NCAPH2: variants seen among roughly 807,000 people sequenced by gnomAD.
NCAPH2 encodes non-SMC condensin II complex subunit H2, also known as condensin-2 complex subunit H2.
Under a neutral mutation model 88.6 loss-of-function variants are expected in NCAPH2, and 56 were observed. The ratio of observed to expected loss-of-function variants is 0.63; its 90% CI spans 0.51 to 0.79. The LOEUF (loss-of-function observed/expected upper bound fraction) is 0.79. Among genes scored for constraint, NCAPH2 ranks in the 30% least tolerant of loss-of-function variants. The pLI is 0.00. For synonymous variants in NCAPH2, 378 were observed against 313.6 expected (o/e 1.21, Z -2.17); for missense variants, 794 against 792.0 (o/e 1.00, Z -0.03).
At position 50,522,517 on chromosome 22, in the gene NCAPH2, TGAG is replaced by T; in HGVS notation, c.1327_1329del (p.Glu443del). The T allele has an allele frequency of 6.2e-7, 1 of 1,613,498 alleles. No individual in the cohort carries two copies. The highest frequency in any genetic ancestry group is 8.5e-7 in the Non-Finnish European group (1 of 1,179,894). On this transcript the variant is annotated inframe_deletion, in exon 16 of 20. Transcript: ENST00000420993. ...TCCCAGCAGATGACTTTCTAGAGCC[TGAG>T]GAGTACATGGAGCCCGAGGGAGCAG...
rs2069151804 is a variant in NCAPH2, at chr22:50,522,810, TC to T, written c.1426-9del. The T allele has an allele frequency of 6.2e-7, 1 of 1,612,376 alleles. No individual in the cohort carries two copies. The highest frequency in any genetic ancestry group is 8.5e-7 in the Non-Finnish European group (1 of 1,179,470). On this transcript the variant is annotated splice_polypyrimidine_tract_variant and intron_variant, in intron 17 of 19. Coordinates refer to ENST00000420993, the MANE Select transcript of NCAPH2 (RefSeq NM_152299.4). ...CTTGGGAGGCAGTAGCTCCTGCTGA[TC>T]CTCCCCTAGGAGCTCTTCATCGCCA...
Position 50,510,075 on chromosome 22 carries a change from C to T in NCAPH2, c.108+1630C>T, listed in dbSNP as rs145920696. ...TAGCTGGGACTACAGGCGCCCGCCT[C>T]CACGCCCAACTAATTTTTTTGTATT... On this transcript the variant is annotated intron_variant, in intron 1 of 19. Transcript: ENST00000420993. 4.9e-3 allele frequency among the ~76,000 whole-genome samples: 742 copies of T among 152,294 alleles called. 6 individuals are homozygous for T. The highest frequency in any genetic ancestry group is 0.017 in the African/African-American group (711 of 41,560).
rs1603441099 is a variant in NCAPH2, at chr22:50,517,876, C to T, written c.420+67C>T. On this transcript the variant is annotated intron_variant, in intron 5 of 19. Coordinates refer to ENST00000420993, the MANE Select transcript of NCAPH2 (RefSeq NM_152299.4). ...GCACTTTCCCTGGGGCTGTGTTGAGCTGATGGGGTGTGGGAAGGTGTCATT... is the reference window on the plus strand; with the variant it reads ...GCACTTTCCCTGGGGCTGTGTTGAGTTGATGGGGTGTGGGAAGGTGTCATT... 1.2e-5 allele frequency: 19 copies of T among 1,604,718 alleles called. No homozygotes were observed. In the East Asian group the frequency reaches 4.0e-4, roughly 34 times the overall value.
rs1281807010 is a variant in NCAPH2, at chr22:50,524,619, C to T, written c.*1244C>T. On this transcript the variant is annotated 3_prime_UTR_variant, in exon 20 of 20. Transcript: ENST00000420993. The stretch of plus-strand genomic sequence containing the variant: ...TCCACACCTGGGCAACCACACCTGT[C>T]ACTCCTGTCCTCTACCTGGGATCAC... The T allele has an allele frequency of 2.8e-6, 2 of 711,498 alleles. No homozygotes were observed. Among genetic ancestry groups the T allele is most frequent in the Non-Finnish European group, 5.2e-6 (2 of 382,184 alleles). 44.1% of individuals were successfully genotyped at this position (711,498 alleles called of 1,614,324 possible).
intron 1 of NCAPH2, among the ~76,000 whole-genome samples, chr22:50,511,877 G>T (rs1218341519): frequency 3.3e-5 from 5 of 152,046 alleles, no homozygotes; most frequent in Non-Finnish European, 7.4e-5. Flanking sequence ...TTGGTCTCCT[G>T]ACCTCGTGAT....
Position 50,522,535 on chromosome 22 carries a change from C to T in NCAPH2, c.1341C>T (p.Pro447=), listed in dbSNP as rs376176140. 48 of 1,613,526 alleles carry T rather than the reference C, an allele frequency of 3.0e-5. No homozygotes were observed. The highest frequency in any genetic ancestry group is 4.4e-5 in the South Asian group (4 of 91,068). The part of the protein sequence containing the change: ...DFLEPEEYME[P]EGADPREAAD... ...TAGAGCCTGAGGAGTACATGGAGCC[C>T]GAGGGAGCAGACCCCAGGGAAGCCG... is the stretch of plus-strand genomic sequence containing the variant. The change falls in exon 16 of 20, where the codon CCC becomes CCT. Residue 447 remains proline (P), a synonymous_variant. Coordinates refer to ENST00000420993, the MANE Select transcript of NCAPH2 (RefSeq NM_152299.4).
At chr22:50,515,625 T>G in intron 1 of NCAPH2, 1 of 934,618 alleles carries the variant, frequency 1.1e-6, no homozygotes, top group Non-Finnish European at 1.4e-6. Flanking sequence ...CTCGATCTCC[T>G]GACCTCATGA....
chr22:50,513,187 A>G (rs1198463184), intron 1 of NCAPH2, among the ~76,000 whole-genome samples: 1 of 152,284 alleles, frequency 6.6e-6, no homozygotes, highest in Non-Finnish European at 1.5e-5. Flanking sequence ...CTGGCAGATC[A>G]GAATCCAGCC....
chr22:50,521,625 G>T lies in NCAPH2; in HGVS notation c.1000+16G>T, dbSNP rs760301414. The T allele has an allele frequency of 1.2e-6, 2 of 1,612,904 alleles. No individual in the cohort carries two copies. Among genetic ancestry groups the T allele is most frequent in the South Asian group, 2.2e-5 (2 of 91,064 alleles). On this transcript the variant is annotated intron_variant, in intron 11 of 19. Coordinates refer to ENST00000420993, the MANE Select transcript of NCAPH2 (RefSeq NM_152299.4). ...TTCAAGAAAGGTAATTGGGTGGAAGGTACCTCCACTCAGGTACCCCTGGCT... is the reference window on the plus strand; with the variant it reads ...TTCAAGAAAGGTAATTGGGTGGAAGTTACCTCCACTCAGGTACCCCTGGCT...
chr22:50,517,532 C>A (rs1244155144), intron 3 of NCAPH2, 45 bp from the exon 4 acceptor site: 17 of 1,614,040 alleles, frequency 1.1e-5, no homozygotes, highest in Non-Finnish European at 1.4e-5. Flanking sequence ...GCCAGGGAGG[C>A]CCCTGCAGCT....
intron 1 of NCAPH2, among the ~76,000 whole-genome samples, chr22:50,511,083 T>C: frequency 6.6e-6 from 1 of 151,552 alleles, no homozygotes; most frequent in East Asian, 2.0e-4. Context: ...CCTGACCTGG[T>C]GATCCGCCCG....
intron 1 of NCAPH2, among the ~76,000 whole-genome samples, chr22:50,511,032 G>C (rs9628173): frequency 6.6e-6 from 1 of 150,810 alleles, no homozygotes; most frequent in Non-Finnish European, 1.5e-5. Flanking sequence ...ATTTTTAGTA[G>C]AGACGGGGTT....
At position 50,508,290 on chromosome 22, in the gene NCAPH2, C is replaced by T. The variant is rs1056802275; in HGVS notation, c.-48C>T. On this transcript the variant is annotated 5_prime_UTR_variant, in exon 1 of 20. Coordinates refer to ENST00000420993, the MANE Select transcript of NCAPH2 (RefSeq NM_152299.4). The stretch of plus-strand genomic sequence containing the variant: ...GTGGCGGGCTGAGGACGCCGTACCC[C>T]TCGGAAGGCAGCCCTGCGGTCCCTT... 15 of 1,393,044 alleles carry T rather than the reference C, an allele frequency of 1.1e-5. No individual in the cohort carries two copies. Among genetic ancestry groups the T allele is most frequent in the East Asian group, 3.0e-5 (1 of 32,814 alleles). The allele number at this position is 1,393,044 out of a possible 1,614,324, so 86.3% of individuals were successfully genotyped here.
chr22:50,517,310 G>T (rs2068951390), intron 2 of NCAPH2, 117 bp from the exon 3 acceptor site: 5 of 1,026,852 alleles, frequency 4.9e-6, no homozygotes, highest in Admixed American at 3.7e-5. Flanking sequence ...GTGGTTTCTT[G>T]TACTGGAGGT....
At position 50,508,447 on chromosome 22, in the gene NCAPH2, T is replaced by C; in HGVS notation, c.108+2T>C. The C allele has an allele frequency of 7.8e-7, 1 of 1,279,412 alleles. No individual in the cohort carries two copies. The highest frequency in any genetic ancestry group is 1.9e-5 in the African/African-American group (1 of 52,134). 79.3% of individuals were successfully genotyped at this position (1,279,412 alleles called of 1,614,324 possible). A position where few individuals can be genotyped will look rare whatever the true frequency, so the allele number is the denominator to read the frequency against. ...CAGCTGGGCGAGTATCTGGAGGAGG[T>C]AAGGGCGGCGGGGGAGTGACGCGGG... On this transcript the variant is annotated splice_donor_variant, in intron 1 of 19. Transcript: ENST00000420993. LOFTEE classifies it high-confidence loss of function.
intron 1 of NCAPH2, among the ~76,000 whole-genome samples, chr22:50,509,663 A>C (rs1353715444): frequency 1.3e-5 from 2 of 152,234 alleles, no homozygotes; most frequent in African/African-American, 4.8e-5. Flanking sequence ...TCCAACCAGC[A>C]GCAAGTGTGA....
chr22:50,521,481 C>T (rs1025296068), intron 10 of NCAPH2, 62 bp from the exon 11 acceptor site: 2 of 1,562,804 alleles, frequency 1.3e-6, no homozygotes, highest in East Asian at 2.2e-5. Flanking sequence ...TCCCCTACTC[C>T]TTTGGGAGGG....
chr22:50,518,140 G>A lies in NCAPH2; in HGVS notation c.508G>A (p.Gly170Ser), dbSNP rs760671058. ...KNNNPLYSRQ[G>S]EVLASRKDFR... ...GTGTTTTTGCCAGCACAGCCGTCAGGGTGAGGTCCTGGCCAGCCGGAAGGA... is the reference window on the plus strand; with the variant it reads ...GTGTTTTTGCCAGCACAGCCGTCAGAGTGAGGTCCTGGCCAGCCGGAAGGA... The change falls in exon 7 of 20, where the codon GGT (glycine) becomes AGT (serine). Residue 170 changes from glycine (G) to serine (S), a missense_variant. Gly to Ser is a moderately conservative substitution (Grantham distance 56). Coordinates refer to ENST00000420993, the MANE Select transcript of NCAPH2 (RefSeq NM_152299.4). The A allele has an allele frequency of 6.2e-7, 1 of 1,614,102 alleles. No individual in the cohort carries two copies. The highest frequency in any genetic ancestry group is 8.5e-7 in the Non-Finnish European group (1 of 1,179,998).
intron 2 of NCAPH2, 108 bp downstream of exon 2, chr22:50,516,656 C>A: frequency 1.1e-6 from 1 of 937,566 alleles, no homozygotes; most frequent in Non-Finnish European, 1.7e-6. Context: ...ACCTACCTCC[C>A]TCTCTCCTCA....
Sources: gnomAD v4.1 joint callset for allele counts (sites outside exome capture counted in the v4.1 genomes callset) on GRCh38, gnomAD v4.1.1 for gene constraint, MANE v1.5 for transcripts, NCBI Gene and HGNC (gene_info 2026-07-23, HGNC 2026-07-21) for gene names.